The following PLA2R1 variants were observed in gnomAD, a reference collection of about 807,000 sequenced individuals.
PLA2R1 encodes the protein phospholipase A2 receptor 1, also known as secretory phospholipase A2 receptor.
A neutral mutation model predicts 195.9 loss-of-function variants in PLA2R1; 158 were observed. The ratio of observed to expected loss-of-function variants is 0.81; its 90% CI spans 0.71 to 0.92. The LOEUF (loss-of-function observed/expected upper bound fraction) is 0.92, where lower values mean the gene tolerates loss of function less well. PLA2R1 is among the 40% of genes least tolerant of loss of function. PLA2R1 has a pLI of 0.00. For missense variants in PLA2R1, 1,626 were observed against 1,764.6 expected, an observed-to-expected ratio of 0.92 and a Z score of 1.41; for synonymous variants, 586 against 598.2, an observed-to-expected ratio of 0.98 and a Z score of 0.30.
rs147696238 is a variant in PLA2R1, at chr2:159,957,308, T to C, written c.2905-681A>G. ...ATTTGGCAATAAAAGTTGAGTGTTA[T>C]GCAAGAGAGAATCATGTCTGCATCA... On this transcript the variant is annotated intron_variant, in intron 20 of 29. Coordinates refer to ENST00000283243, the MANE Select transcript of PLA2R1 (RefSeq NM_007366.5). Among the ~76,000 whole-genome samples, 355 of 152,302 alleles carry C rather than the reference T, an allele frequency of 2.3e-3. 1 individual carries two copies. Among genetic ancestry groups the C allele is most frequent in the Non-Finnish European group, 4.4e-3 (297 of 68,012 alleles).
intron 20 of PLA2R1, among the ~76,000 whole-genome samples, chr2:159,959,302 C>T (rs1452810220): frequency 6.6e-6 from 1 of 152,126 alleles, no homozygotes; most frequent in East Asian, 1.9e-4. Context: ...CAATAAATCT[C>T]TCCAGAAAAA....
chr2:160,010,517 G>A (rs1000766342), intron 10 of PLA2R1, among the ~76,000 whole-genome samples: 5 of 152,224 alleles, frequency 3.3e-5, no homozygotes, highest in African/African-American at 1.2e-4. Flanking sequence ...CATCAAACCT[G>A]TCATTCCATT....
intron 10 of PLA2R1, among the ~76,000 whole-genome samples, chr2:160,008,515 A>AC (rs1692148473): frequency 6.6e-6 from 1 of 152,146 alleles, no homozygotes; most frequent in Non-Finnish European, 1.5e-5. Context: ...ATGAAGTTAG[A>AC]CCCTTACCTT....
In PLA2R1 at chr2:160,044,786, A is replaced by G. The variant is rs1211410432; in HGVS notation, c.481T>C (p.Tyr161His). ...YGSGGGDICEYLHKDLHTIKG... is the reference protein window; with the variant it reads ...YGSGGGDICEHLHKDLHTIKG... ...AAATTATTTTTACCTTTGTGTAGATATTCACAAATGTCTCCACCACCTGAC... is the reference window on the plus strand; with the variant it reads ...AAATTATTTTTACCTTTGTGTAGATGTTCACAAATGTCTCCACCACCTGAC... The change falls in exon 2 of 30, where the codon TAT becomes CAT. Residue 161 changes from tyrosine to histidine, a missense_variant. By Grantham distance (83) the Tyr-to-His change is moderately conservative. Coordinates refer to ENST00000283243, the MANE Select transcript of PLA2R1 (RefSeq NM_007366.5). The G allele has an allele frequency of 3.1e-6, 5 of 1,607,760 alleles. No individual in the cohort carries two copies. Among genetic ancestry groups the G allele is most frequent in the Non-Finnish European group, 4.3e-6 (5 of 1,175,482 alleles).
In PLA2R1 at chr2:159,955,270, T is replaced by C. The variant is rs1185348396; in HGVS notation, c.3230A>G (p.His1077Arg). 1 of 1,608,274 alleles carries C rather than the reference T, an allele frequency of 6.2e-7. No individual in the cohort carries two copies. Among genetic ancestry groups the C allele is most frequent in the Non-Finnish European group, 8.5e-7 (1 of 1,175,048 alleles). The change falls in exon 23 of 30, where the codon CAT (histidine) becomes CGT (arginine). Residue 1077 changes from histidine (H) to arginine (R), a missense_variant. Transcript: ENST00000283243. ...CALLSSNPNF[H>R]FTGKWYFEDC... The stretch of plus-strand genomic sequence containing the variant: ...TTCAAAATACCATTTTCCAGTGAAA[T>C]GAAAATTAGGATTACTTGAGAGTAA...
At chr2:160,043,711 C>T (rs1694689565) in intron 2 of PLA2R1, among the ~76,000 whole-genome samples, 2 of 152,184 alleles carry the variant, frequency 1.3e-5, no homozygotes, top group Admixed American at 1.3e-4. Context: ...TAACATAAAG[C>T]AAAATATCAA....
In PLA2R1 at chr2:160,032,871, T is replaced by C. The variant is rs189181567; in HGVS notation, c.841+88A>G. 2.0e-4 allele frequency: 215 copies of C among 1,049,784 alleles called. No individual in the cohort carries two copies. In the African/African-American group the frequency reaches 3.3e-3, roughly 16 times the overall value. 65.0% of individuals were successfully genotyped at this position (1,049,784 alleles called of 1,614,324 possible). A position where few individuals can be genotyped will look rare whatever the true frequency, so the allele number is the denominator to read the frequency against. ...AAGAAAAATATTTTTTAAGAACTTT[T>C]TGTCAGAATATATTTTTGTATATGT... On this transcript the variant is annotated intron_variant, in intron 4 of 29. Transcript: ENST00000283243.
chr2:159,940,638 T>C lies in PLA2R1; in HGVS notation c.*1140A>G, dbSNP rs1411753654. 1 of 152,226 alleles carries C rather than the reference T, an allele frequency of 6.6e-6. No individual in the cohort carries two copies. Among genetic ancestry groups the C allele is most frequent in the Non-Finnish European group, 1.5e-5 (1 of 68,030 alleles). 9.4% of individuals were successfully genotyped at this position (152,226 alleles called of 1,614,324 possible). A position where few individuals can be genotyped will look rare whatever the true frequency, so the allele number is the denominator to read the frequency against. ...ATATTGATTATGAAGCTGTTTTCTT[T>C]ATAAGGAACTAATAAAGGAAAATAA... On this transcript the variant is annotated 3_prime_UTR_variant, in exon 30 of 30. Coordinates refer to ENST00000283243, the MANE Select transcript of PLA2R1 (RefSeq NM_007366.5).
intron 20 of PLA2R1, 123 bp downstream of exon 20, chr2:159,967,416 A>T: frequency 1.4e-6 from 1 of 719,794 alleles, no homozygotes; most frequent in Non-Finnish European, 2.2e-6. Context: ...AAGTTGTGAC[A>T]AAAAAATTCC....
Position 160,033,101 on chromosome 2 carries a change from C to T in PLA2R1, c.699G>A (p.Trp233Ter). Residue 233 changes from tryptophan (W) to a stop codon, truncating the protein, a stop_gained, in exon 4 of 30, where the codon TGG becomes TGA. Transcript: ENST00000283243. LOFTEE classifies it high-confidence loss of function. The part of the protein sequence containing the change: ...TSAEVGCDTI[W>*]EKDLNSHICY... ...AAATGTGTGAATTGAGGTCCTTCTCCCAAATAGTATCACAACCTACTTCTG... is the reference window on the plus strand; with the variant it reads ...AAATGTGTGAATTGAGGTCCTTCTCTCAAATAGTATCACAACCTACTTCTG... 1 of 1,612,684 alleles carries T rather than the reference C, an allele frequency of 6.2e-7. No homozygotes were observed. The highest frequency in any genetic ancestry group is 8.5e-7 in the Non-Finnish European group (1 of 1,179,498).
intron 6 of PLA2R1, among the ~76,000 whole-genome samples, chr2:160,024,010 A>G (rs1046203258): frequency 4.0e-5 from 6 of 150,588 alleles, no homozygotes; most frequent in African/African-American, 1.5e-4. Flanking sequence ...GGTCACCTAC[A>G]GTTCTTGCCA....
intron 14 of PLA2R1, among the ~76,000 whole-genome samples, chr2:159,977,723 C>G (rs757138509): frequency 6.6e-5 from 10 of 151,966 alleles, no homozygotes; most frequent in Admixed American, 1.3e-4. Flanking sequence ...AGATCACAAG[C>G]TCAGGAGATT....
At chr2:159,946,358 T>C in intron 27 of PLA2R1, 1 of 985,064 alleles carries the variant, frequency 1.0e-6, no homozygotes, top group African/African-American at 1.7e-5. Context: ...AAGAATACCA[T>C]GCTTCCATTT....
chr2:159,956,795 A>C (rs1574664977), intron 20 of PLA2R1, among the ~76,000 whole-genome samples, 168 bp from the exon 21 acceptor site: 1 of 152,190 alleles, frequency 6.6e-6, no homozygotes, highest in Non-Finnish European at 1.5e-5. Flanking sequence ...TAAAACAAAG[A>C]GGAGCAGCTT....
At chr2:160,041,606 G>T (rs1378033506) in intron 3 of PLA2R1, among the ~76,000 whole-genome samples, 9 of 150,204 alleles carry the variant, frequency 6.0e-5, no homozygotes, top group Admixed American at 5.3e-4. Flanking sequence ...TTGACAATGG[G>T]CGAGACAAGC....
chr2:159,990,190 CAG>C lies in PLA2R1; in HGVS notation c.1835-2834_1835-2833del, dbSNP rs1412233080. On this transcript the variant is annotated intron_variant, in intron 11 of 29. Transcript: ENST00000283243. The stretch of plus-strand genomic sequence containing the variant: ...ATAAGGGTAAGGGTGTGGGAAAGAG[CAG>C]AGGCGAATTTTCTTTCAGAGAAGTT... 2.0e-5 allele frequency among the ~76,000 whole-genome samples: 3 copies of C among 152,026 alleles called. 1 individual carries two copies.
intron 1 of PLA2R1, among the ~76,000 whole-genome samples, chr2:160,057,645 C>T (rs17831251): frequency 0.3 from 45,993 of 152,162 alleles, 8,748 homozygotes; most frequent in Non-Finnish European, 0.42. Flanking sequence ...TTTGCTCATC[C>T]CTGGTTATCA....
intron 19 of PLA2R1, among the ~76,000 whole-genome samples, chr2:159,968,029 T>C (rs988089943): frequency 6.6e-6 from 1 of 152,134 alleles, no homozygotes; most frequent in African/African-American, 2.4e-5. Context: ...TCAATTTCAA[T>C]GTACAGAGAG....
At chr2:160,061,022 C>G (rs981560531) in intron 1 of PLA2R1, among the ~76,000 whole-genome samples, 1 of 152,204 alleles carries the variant, frequency 6.6e-6, no homozygotes, top group African/African-American at 2.4e-5. Flanking sequence ...CCTGATTAAG[C>G]CTCCAGGGAG....
Sources: gnomAD v4.1 joint callset for allele counts (sites outside exome capture counted in the v4.1 genomes callset) on GRCh38, gnomAD v4.1.1 for gene constraint, MANE v1.5 for transcripts, NCBI Gene and HGNC (gene_info 2026-07-23, HGNC 2026-07-21) for gene names.